CECR2: variants seen among roughly 807,000 people sequenced by gnomAD.
CECR2 encodes the protein CECR2 histone acetyl-lysine reader.
CECR2 carries 30 observed loss-of-function variants against 154.5 expected under a neutral mutation model. The ratio of observed to expected loss-of-function variants is 0.19; its 90% CI spans 0.15 to 0.26. The LOEUF (loss-of-function observed/expected upper bound fraction) is 0.26. Ranked by LOEUF, CECR2 falls within the 10% of genes least tolerant of loss-of-function variation. CECR2 has a pLI of 1.00. For synonymous variants in CECR2, 725 were observed against 683.7 expected, an observed-to-expected ratio of 1.06 and a Z score of -0.94; for missense variants, 1,743 against 1,829.3, an observed-to-expected ratio of 0.95 and a Z score of 0.86.
At chr22:17,408,905 C>T (rs1056575742) in intron 1 of CECR2, among the ~76,000 whole-genome samples, 1 of 152,286 alleles carries the variant, frequency 6.6e-6, no homozygotes, top group Admixed American at 6.5e-5. Context: ...ACGAAACTTT[C>T]TGCATCTTCT....
chr22:17,532,700 C>CTTTTTTTTT lies in CECR2; in HGVS notation c.1109-4376_1109-4368dup, dbSNP rs695634. Reference sequence around the variant, plus strand: ...CCAAGTAGGTATATTCATTATTATTCTTTTTTTTTTTTTTTTTTTTTTTTT... The same window carrying CTTTTTTTTT: ...CCAAGTAGGTATATTCATTATTATTCTTTTTTTTTTTTTTTTTTTTTTTTTTTTTTTTTT... On this transcript the variant is annotated intron_variant, in intron 9 of 18. Transcript: ENST00000262608. Among the ~76,000 whole-genome samples the CTTTTTTTTT allele has an allele frequency of 4.4e-3, 159 of 35,806 alleles. 38 individuals carry two copies. Among genetic ancestry groups the CTTTTTTTTT allele is most frequent in the Non-Finnish European group, 5.1e-3 (109 of 21,422 alleles). The allele number at this position is 35,806 out of a possible 152,430, so 23.5% of individuals were successfully genotyped here.
chr22:17,511,058 G>GAATGCAGATTTTT (rs1413455087), intron 7 of CECR2, among the ~76,000 whole-genome samples: 1 of 152,160 alleles, frequency 6.6e-6, no homozygotes, highest in African/African-American at 2.4e-5. Context: ...TGACCCTGGA[G>GAATGCAGATTTTT]AATGCAGATT....
chr22:17,387,183 A>C (rs1004150502), intron 1 of CECR2, among the ~76,000 whole-genome samples: 1 of 152,198 alleles, frequency 6.6e-6, no homozygotes, highest in Non-Finnish European at 1.5e-5. Flanking sequence ...AGGGAGTTAC[A>C]GCTCAACAGA....
chr22:17,513,618 G>T (rs979995544), intron 8 of CECR2, among the ~76,000 whole-genome samples: 5 of 152,124 alleles, frequency 3.3e-5, no homozygotes, highest in African/African-American at 1.2e-4. Flanking sequence ...ATTCATGATT[G>T]ACCTCCCTTC....
chr22:17,548,809 C>T lies in CECR2; in HGVS notation c.3522C>T (p.Pro1174=). The T allele has an allele frequency of 6.2e-6, 10 of 1,613,806 alleles. No individual in the cohort carries two copies. The highest frequency in any genetic ancestry group is 8.5e-6 in the Non-Finnish European group (10 of 1,179,854). The part of the protein sequence containing the change: ...QSNHPHSGGF[P]RYRPPQGMRY... ...ACCACCCACATTCTGGAGGCTTTCC[C>T]CGGTATCGCCCCCCACAAGGAATGA... Residue 1174 remains proline (P), a synonymous_variant, in exon 17 of 19, where the codon CCC becomes CCT. Coordinates refer to ENST00000262608, the MANE Select transcript of CECR2 (RefSeq NM_001290047.2).
intron 1 of CECR2, among the ~76,000 whole-genome samples, chr22:17,467,797 AAGAG>A (rs57392385): frequency 1.4e-5 from 2 of 144,874 alleles, no homozygotes; most frequent in African/African-American, 5.2e-5. Flanking sequence ...AAAAGAAAGA[AAGAG>A]AGAGAGAGTG....
upstream of CECR2, among the ~76,000 whole-genome samples, chr22:17,365,860 TA>T (rs397940356): frequency 2.3e-3 from 306 of 133,262 alleles, no homozygotes; most frequent in East Asian, 4.5e-3. Context: ...ACCCCCTATG[TA>T]AAAAAAAAAA....
chr22:17,449,294 A>G (rs1309885769), intron 1 of CECR2, among the ~76,000 whole-genome samples: 1 of 151,718 alleles, frequency 6.6e-6, no homozygotes, highest in Non-Finnish European at 1.5e-5. Flanking sequence ...CGTGCTTTAT[A>G]CTTCTTACTG....
chr22:17,476,563 G>A (rs2055211365), intron 1 of CECR2, among the ~76,000 whole-genome samples: 1 of 152,112 alleles, frequency 6.6e-6, no homozygotes, highest in Non-Finnish European at 1.5e-5. Context: ...ACCCCGTTTT[G>A]TGTCTGCTAT....
chr22:17,553,042 G>T lies in CECR2; in HGVS notation c.*202G>T, dbSNP rs2056733098. 7.9e-7 allele frequency: 1 copy of T among 1,264,156 alleles called. No individual in the cohort carries two copies. Among genetic ancestry groups the T allele is most frequent in the East Asian group, 2.8e-5 (1 of 35,818 alleles). 78.3% of individuals were successfully genotyped at this position (1,264,156 alleles called of 1,614,324 possible). ...GATGACTGACACACAGATTGCAAAG[G>T]TCCTCGGCCAGGGATCTCTTGCACA... is the stretch of plus-strand genomic sequence containing the variant. On this transcript the variant is annotated 3_prime_UTR_variant, in exon 19 of 19. Transcript: ENST00000262608.
intron 1 of CECR2, among the ~76,000 whole-genome samples, chr22:17,377,625 C>A (rs578106547): frequency 1.3e-5 from 2 of 152,246 alleles, no homozygotes; most frequent in African/African-American, 2.4e-5. Context: ...TGAATAAGAT[C>A]CACTTACAGC....
chr22:17,548,081 C>G, intron 16 of CECR2, 67 bp from the exon 17 acceptor site: 1 of 1,366,630 alleles, frequency 7.3e-7, no homozygotes, highest in East Asian at 2.5e-5. Flanking sequence ...CAGGCATGTT[C>G]TTCACATTAA....
At chr22:17,529,019 G>A (rs530937539) in intron 9 of CECR2, among the ~76,000 whole-genome samples, 3 of 151,964 alleles carry the variant, frequency 2.0e-5, no homozygotes, top group Admixed American at 6.6e-5. Context: ...CCCCTTGAGC[G>A]CAGGAGATCG....
chr22:17,521,833 A>T (rs753773659), intron 8 of CECR2, among the ~76,000 whole-genome samples: 24 of 152,180 alleles, frequency 1.6e-4, no homozygotes, highest in Non-Finnish European at 3.2e-4. Flanking sequence ...GCCCATGCCT[A>T]TGTCCTGAAT....
intron 1 of CECR2, among the ~76,000 whole-genome samples, chr22:17,391,964 G>T (rs1054533485): frequency 6.6e-6 from 1 of 152,046 alleles, no homozygotes; most frequent in African/African-American, 2.4e-5. Context: ...ACCACACCCA[G>T]CTAATTTTTG....
rs114403160 is a variant in CECR2 at position 17,400,409 on chromosome 22, A to G, written c.126+30500A>G. Among the ~76,000 whole-genome samples, 1,181 of 152,296 alleles carry G rather than the reference A, an allele frequency of 7.8e-3. 16 individuals are homozygous for G. Among genetic ancestry groups the G allele is most frequent in the African/African-American group, 0.026 (1,063 of 41,562 alleles). On this transcript the variant is annotated intron_variant, in intron 1 of 18. Coordinates refer to ENST00000262608, the MANE Select transcript of CECR2 (RefSeq NM_001290047.2). The stretch of plus-strand genomic sequence containing the variant: ...GGTCTGGAATGGATAGCAGGGTACA[A>G]AGTCACTCAGTGAAGATGCTTGCTG...
At chr22:17,514,578 C>T (rs891190484) in intron 8 of CECR2, among the ~76,000 whole-genome samples, 1 of 152,086 alleles carries the variant, frequency 6.6e-6, no homozygotes, top group South Asian at 2.1e-4. Context: ...TGTAACTGTG[C>T]AGGTTTATTT....
intron 2 of CECR2, among the ~76,000 whole-genome samples, chr22:17,495,621 G>A (rs2055610450): frequency 6.7e-6 from 1 of 149,082 alleles, no homozygotes; most frequent in Non-Finnish European, 1.5e-5. Flanking sequence ...CCAGCACTTC[G>A]GGAGGCCGAG....
At chr22:17,417,718 A>G (rs1217617467) in intron 1 of CECR2, among the ~76,000 whole-genome samples, 1 of 152,062 alleles carries the variant, frequency 6.6e-6, no homozygotes, top group Non-Finnish European at 1.5e-5. Context: ...TCCCGGGTTC[A>G]AGGGATTCTC....
Sources: allele counts gnomAD v4.1 joint callset (sites outside exome capture counted in the v4.1 genomes callset), GRCh38; gene constraint gnomAD v4.1.1; transcripts MANE v1.5; gene names NCBI Gene and HGNC (gene_info 2026-07-23, HGNC 2026-07-21).